Variants in ARVCF observed in about 807,000 individuals in gnomAD.
ARVCF encodes ARVCF delta catenin family member.
ARVCF carries 66 observed loss-of-function variants against 90.9 expected under a neutral mutation model. The observed-to-expected ratio is 0.73, with a 90% CI of 0.60 to 0.89. The LOEUF is 0.89. Ranked by LOEUF, ARVCF falls within the 40% of genes least tolerant of loss-of-function variation. ARVCF has a pLI of 0.00. For synonymous variants in ARVCF, 653 were observed against 603.4 expected (o/e 1.08, Z -1.21); for missense variants, 1,469 against 1,382.3 (o/e 1.06, Z -1.00).
At chr22:20,004,421 A>G (rs952427263) in intron 2 of ARVCF, among the ~76,000 whole-genome samples, 1 of 152,010 alleles carries the variant, frequency 6.6e-6, no homozygotes, top group Non-Finnish European at 1.5e-5. Flanking sequence ...CCAGGGGTTC[A>G]AGGCCGCAGT....
intron 18 of ARVCF, 89 bp downstream of exon 18, chr22:19,971,797 C>T: frequency 7.0e-7 from 1 of 1,432,016 alleles, no homozygotes; most frequent in East Asian, 2.3e-5. Flanking sequence ...AGGGCCCAGA[C>T]CAGACCCAGC....
rs1362113069 is a variant in ARVCF, at chr22:19,978,939, G to A, written c.1538C>T (p.Ala513Val). Residue 513 changes from alanine (A) to valine (V), a missense_variant, in exon 7 of 20, where the codon GCC (alanine) becomes GTC (valine). Transcript: ENST00000263207. ...GTTCTTGAAGACAGTTGTCCACTCGGCGTCCCGTGGCTTGGAGTCCTCGTT... is the reference window on the plus strand; with the variant it reads ...GTTCTTGAAGACAGTTGTCCACTCGACGTCCCGTGGCTTGGAGTCCTCGTT... ...EPNEDSKPRD[A>V]EWTTVFKNTS... 1.5e-5 allele frequency: 25 copies of A among 1,613,178 alleles called. No homozygotes were observed. Among genetic ancestry groups the A allele is most frequent in the Non-Finnish European group, 2.1e-5 (25 of 1,179,842 alleles).
Position 19,995,788 on chromosome 22 carries a change from C to A in ARVCF, c.-18-4976G>T, listed in dbSNP as rs370439029. On this transcript the variant is annotated intron_variant, in intron 2 of 19. Transcript: ENST00000263207. ...GAACACAGCCAGGGCTGCGCTGGCC[C>A]CCCCCTCGAGGGGAGAGACGGGACG... 2.4e-4 allele frequency among the ~76,000 whole-genome samples: 36 copies of A among 152,256 alleles called. No homozygotes were observed. The South Asian group carries it at 7.3e-3, about 31-fold the overall frequency.
chr22:19,979,603 G>A (rs1943364332), intron 6 of ARVCF, 140 bp downstream of exon 6: 3 of 1,305,102 alleles, frequency 2.3e-6, no homozygotes, highest in Middle Eastern at 4.4e-4. Flanking sequence ...TGGCTCCTGG[G>A]GCAAGCGTCT....
chr22:19,971,517 C>T (rs559830753), intron 18 of ARVCF, among the ~76,000 whole-genome samples, 182 bp from the exon 19 acceptor site: 52 of 152,300 alleles, frequency 3.4e-4, no homozygotes, highest in African/African-American at 1.1e-3. Context: ...AGGGCGGGCA[C>T]GTGCACACAC....
chr22:19,976,704 ACC>A lies in ARVCF; in HGVS notation c.1888_1888+1del. The A allele has an allele frequency of 6.4e-7, 1 of 1,559,570 alleles. No individual in the cohort carries two copies. The highest frequency in any genetic ancestry group is 8.7e-7 in the Non-Finnish European group (1 of 1,151,464). ...TGGAGAGCAGGATAAAAAGGGACTCACCTTGGTGGAACCACTCCTCTGGGAGG... is the reference window on the plus strand; with the variant it reads ...TGGAGAGCAGGATAAAAAGGGACTCATTGGTGGAACCACTCCTCTGGGAGG... On this transcript the variant is annotated splice_donor_variant and coding_sequence_variant, in exon 10 of 20. Coordinates refer to ENST00000263207, the MANE Select transcript of ARVCF (RefSeq NM_001670.3). LOFTEE classifies it high-confidence loss of function.
intron 3 of ARVCF, among the ~76,000 whole-genome samples, chr22:19,984,824 C>A (rs929647309): frequency 3.9e-5 from 6 of 152,218 alleles, no homozygotes; most frequent in Non-Finnish European, 7.3e-5. Flanking sequence ...ACCAACTCTG[C>A]CAATCATCTG....
downstream of ARVCF, chr22:19,967,196 C>T (rs577558434): frequency 3.3e-5 from 43 of 1,304,744 alleles, no homozygotes; most frequent in Admixed American, 6.9e-5. Flanking sequence ...AGTCCGCTGA[C>T]GTCTTCTGTA....
chr22:19,973,282 G>T lies in ARVCF; in HGVS notation c.2275C>A (p.Arg759Ser). 1 of 1,605,666 alleles carries T rather than the reference G, an allele frequency of 6.2e-7. No homozygotes were observed. Residue 759 changes from arginine to serine, a missense_variant, in exon 14 of 20, where the codon CGC (arginine) becomes AGC (serine). Arg to Ser is a moderately radical substitution (Grantham distance 110, BLOSUM62 -1). Coordinates refer to ENST00000263207, the MANE Select transcript of ARVCF (RefSeq NM_001670.3). The part of the protein sequence containing the change: ...YAMAELVRNV[R>S]NAQAPPRPGA... ...GGTCGCGGCGGAGCCTGTGCATTGCGCACATTCCGCACAAGCTCAGCCATG... is the reference window on the plus strand; with the variant it reads ...GGTCGCGGCGGAGCCTGTGCATTGCTCACATTCCGCACAAGCTCAGCCATG...
rs1021528226 is a variant in ARVCF, at chr22:19,972,823, G to C, written c.2555C>G (p.Ala852Gly). The C allele has an allele frequency of 1.4e-5, 22 of 1,613,514 alleles. 1 individual carries two copies. Among genetic ancestry groups the C allele is most frequent in the Non-Finnish European group, 1.9e-5 (22 of 1,179,820 alleles). The change falls in exon 16 of 20, where the codon GCT becomes GGT. Residue 852 changes from alanine (A) to glycine (G), a missense_variant. Ala to Gly is a moderately conservative substitution (Grantham distance 60, BLOSUM62 0). Transcript: ENST00000263207. The part of the protein sequence containing the change: ...DGWTKARFQS[A>G]AATAKGPKGA... The stretch of plus-strand genomic sequence containing the variant: ...CTTAGGCCCCTTGGCAGTAGCAGCA[G>C]CTGACTGAGACATAAAACACAGACA...
At chr22:19,981,024 G>A (rs1247542968) in intron 5 of ARVCF, 187 bp downstream of exon 5, 1 of 727,726 alleles carries the variant, frequency 1.4e-6, no homozygotes. Context: ...GCAGGACAGT[G>A]CCCAGCCGAA....
Position 19,995,785 on chromosome 22 carries a change from G to GC in ARVCF, c.-18-4974dup, listed in dbSNP as rs797000197. Among the ~76,000 whole-genome samples, 116 of 151,568 alleles carry GC rather than the reference G, an allele frequency of 7.7e-4. 1 individual carries two copies. The highest frequency in any genetic ancestry group is 2.7e-3 in the African/African-American group (110 of 41,320). On this transcript the variant is annotated intron_variant, in intron 2 of 19. Transcript: ENST00000263207. ...CCAGAACACAGCCAGGGCTGCGCTG[G>GC]CCCCCCCCTCGAGGGGAGAGACGGG... is the stretch of plus-strand genomic sequence containing the variant.
intron 2 of ARVCF, among the ~76,000 whole-genome samples, chr22:20,001,165 T>C (rs781222823): frequency 1.3e-5 from 2 of 152,122 alleles, no homozygotes; most frequent in African/African-American, 2.4e-5. Context: ...CATTCCTGTC[T>C]TGGACACCGG....
At chr22:20,013,694 G>GT (rs1478958579) in intron 1 of ARVCF, among the ~76,000 whole-genome samples, 3 of 152,080 alleles carry the variant, frequency 2.0e-5, no homozygotes, top group Non-Finnish European at 4.4e-5. Context: ...TGGTTATGGA[G>GT]TGGGGGGAAC....
chr22:19,971,628 G>A (rs941184123), intron 18 of ARVCF, among the ~76,000 whole-genome samples: 15 of 152,184 alleles, frequency 9.9e-5, no homozygotes, highest in African/African-American at 2.9e-4. Flanking sequence ...ATGCACAGAA[G>A]GGTGCACACA....
chr22:19,978,803 G>A lies in ARVCF; in HGVS notation c.1580+94C>T, dbSNP rs190056961. On this transcript the variant is annotated intron_variant, in intron 7 of 19. Transcript: ENST00000263207. ...AGCTCTGAAGCTCCTAAGCTCTGGC[G>A]CTCCTAAGCTCGCCGCCATCTTCCA... 5.8e-5 allele frequency: 83 copies of A among 1,430,716 alleles called. No homozygotes were observed. In the African/African-American group the frequency reaches 8.1e-4, roughly 14 times the overall value. 88.6% of individuals were successfully genotyped at this position (1,430,716 alleles called of 1,614,324 possible).
intron 2 of ARVCF, among the ~76,000 whole-genome samples, chr22:20,006,921 C>T (rs535841801): frequency 6.6e-6 from 1 of 152,022 alleles, no homozygotes; most frequent in East Asian, 2.0e-4. Flanking sequence ...TGAGCCACCG[C>T]GCCTGGCCTA....
In ARVCF at chr22:19,970,503, TTC is replaced by T. The variant is rs1942694184; in HGVS notation, c.*251_*252del. ...GCAGCCCAGTCGGCCTCCTCGGGCC[TTC>T]TGTCACTCGCTCACACACAGCACCA... On this transcript the variant is annotated 3_prime_UTR_variant, in exon 20 of 20. Coordinates refer to ENST00000263207, the MANE Select transcript of ARVCF (RefSeq NM_001670.3). 1.9e-6 allele frequency: 2 copies of T among 1,072,152 alleles called. No homozygotes were observed. Among genetic ancestry groups the T allele is most frequent in the East Asian group, 7.8e-5 (1 of 12,884 alleles). The allele number at this position is 1,072,152 out of a possible 1,614,324, so 66.4% of individuals were successfully genotyped here. A position where few individuals can be genotyped will look rare whatever the true frequency, so the allele number is the denominator to read the frequency against.
At chr22:19,994,329 G>A (rs537851890) in intron 2 of ARVCF, among the ~76,000 whole-genome samples, 15 of 138,926 alleles carry the variant, frequency 1.1e-4, no homozygotes, top group Admixed American at 9.3e-4. Context: ...TGGGTGGAGG[G>A]ATGGTGGGAG....
Sources: gnomAD v4.1 joint callset for allele counts (sites outside exome capture counted in the v4.1 genomes callset) on GRCh38, gnomAD v4.1.1 for gene constraint, MANE v1.5 for transcripts, NCBI Gene and HGNC (gene_info 2026-07-23, HGNC 2026-07-21) for gene names.